Variants in CHD7 observed in about 807,000 individuals in gnomAD.
CHD7 encodes the protein ATP-dependent chromatin remodeler CHD7.
A neutral mutation model predicts 307.3 loss-of-function variants in CHD7; 24 were observed. That is an observed-to-expected ratio of 0.08 (90% CI 0.06 to 0.11). The LOEUF (loss-of-function observed/expected upper bound fraction) is 0.11, where lower values mean the gene tolerates loss of function less well. Ranked by LOEUF, CHD7 falls within the 10% of genes least tolerant of loss-of-function variation. CHD7 has a pLI of 1.00. For missense variants in CHD7, 3,106 were observed against 3,727.1 expected (o/e 0.83, Z 4.34); for synonymous variants, 1,363 against 1,349.9 (o/e 1.01, Z -0.21).
chr8:60,726,714 T>C (rs1317797867), intron 1 of CHD7, among the ~76,000 whole-genome samples: 2 of 152,238 alleles, frequency 1.3e-5, no homozygotes, highest in African/African-American at 2.4e-5. Context: ...AGACCTTCAG[T>C]GGGCCCAGAG....
intron 5 of CHD7, 111 bp from the exon 6 acceptor site, chr8:60,801,417 C>G (rs1174381419): frequency 6.8e-6 from 5 of 739,016 alleles, no homozygotes; most frequent in Admixed American, 4.9e-5. Context: ...AACTTTGTAC[C>G]CAGTGACTTA....
intron 2 of CHD7, among the ~76,000 whole-genome samples, chr8:60,752,915 T>G (rs1296862842): frequency 6.6e-6 from 1 of 152,272 alleles, no homozygotes. Context: ...CTCTCCATTC[T>G]CTGGAGTTAC....
At chr8:60,754,769 A>G (rs1388472119) in intron 2 of CHD7, among the ~76,000 whole-genome samples, 1 of 152,198 alleles carries the variant, frequency 6.6e-6, no homozygotes, top group Admixed American at 6.5e-5. Flanking sequence ...AGAAACTTCA[A>G]ATGGCAGGTT....
intron 13 of CHD7, among the ~76,000 whole-genome samples, chr8:60,828,068 A>T (rs1804336449): frequency 6.6e-6 from 1 of 152,190 alleles, no homozygotes. Context: ...AATTAATTAA[A>T]GAAATACCTA....
chr8:60,723,621 A>C (rs145318294), intron 1 of CHD7, among the ~76,000 whole-genome samples: 147 of 152,346 alleles, frequency 9.6e-4, no homozygotes, highest in Non-Finnish European at 1.9e-3. Context: ...AAATTATGTA[A>C]ATGAATGTTG....
rs867370618 is a variant in CHD7 at position 60,827,385 on chromosome 8, G to A, written c.3379-1278G>A. Among the ~76,000 whole-genome samples, 7 of 152,202 alleles carry A rather than the reference G, an allele frequency of 4.6e-5. No homozygotes were observed. In the South Asian group the frequency reaches 1.5e-3, roughly 32 times the overall value. On this transcript the variant is annotated intron_variant, in intron 13 of 37. Transcript: ENST00000423902. Reference sequence around the variant, plus strand: ...AATTTAATGTCGTAATAAAGGATATGAAAAAACTGGGAGACACGATATCAA... The same window carrying A: ...AATTTAATGTCGTAATAAAGGATATAAAAAAACTGGGAGACACGATATCAA...
chr8:60,717,597 G>A (rs956129806), intron 1 of CHD7, among the ~76,000 whole-genome samples: 9 of 152,256 alleles, frequency 5.9e-5, no homozygotes, highest in African/African-American at 1.9e-4. Flanking sequence ...AAAAGTGTAA[G>A]GTAACTACCC....
intron 19 of CHD7, among the ~76,000 whole-genome samples, chr8:60,838,661 C>T (rs191383064): frequency 6.6e-6 from 1 of 152,324 alleles, no homozygotes; most frequent in African/African-American, 2.4e-5. Context: ...GCTAAATCTC[C>T]ATACATAAAC....
At chr8:60,728,575 G>C (rs1249688208) in intron 1 of CHD7, among the ~76,000 whole-genome samples, 1 of 152,174 alleles carries the variant, frequency 6.6e-6, no homozygotes, top group Non-Finnish European at 1.5e-5. Flanking sequence ...GCCCAGGCTG[G>C]AGAGCAATGG....
chr8:60,830,773 A>G (rs1804475211), intron 15 of CHD7, among the ~76,000 whole-genome samples, 196 bp downstream of exon 15: 1 of 152,192 alleles, frequency 6.6e-6, no homozygotes, highest in African/African-American at 2.4e-5. Context: ...TTGCCCCAGC[A>G]ATCCCTGAAG....
chr8:60,765,692 A>G (rs980148937), intron 2 of CHD7, among the ~76,000 whole-genome samples: 3 of 152,188 alleles, frequency 2.0e-5, no homozygotes, highest in African/African-American at 7.2e-5. Flanking sequence ...AGAGGAGGAC[A>G]TGGGCCAGGA....
chr8:60,680,312 T>C (rs1586150709), intron 1 of CHD7, among the ~76,000 whole-genome samples: 2 of 123,008 alleles, frequency 1.6e-5, no homozygotes, highest in South Asian at 2.6e-4. Flanking sequence ...TTGGGCTCGC[T>C]GGGGGCGCGG....
rs767475667 is a variant in CHD7 at position 60,742,181 on chromosome 8, G to A, written c.749G>A (p.Arg250His). ...AGTCCCAGCATGGCACCTTCCTTGC[G>A]TCACTCGGTGCAGCAGTTCCATCAC... ...QQSPSMAPSL[R>H]HSVQQFHHHP... Residue 250 changes from arginine (R) to histidine (H), a missense_variant, in exon 2 of 38, where the codon CGT becomes CAT. By Grantham distance (29) the Arg-to-His change is conservative (BLOSUM62 0). Around this residue, in one of 10 missense-constraint regions of CHD7, gnomAD observed 998 missense variants for 1,004.5 expected, o/e 0.99. Transcript: ENST00000423902. 47 of 1,613,760 alleles carry A rather than the reference G, an allele frequency of 2.9e-5. No individual in the cohort carries two copies. The South Asian group carries it at 3.8e-4, about 13-fold the overall frequency.
At position 60,854,429 on chromosome 8, in the gene CHD7, A is replaced by G. The variant is rs761873381; in HGVS notation, c.6842A>G (p.Asp2281Gly). ...ESNASMSTAR[D>G]ETRDGFYMED... Reference sequence around the variant, plus strand: ...AATGCTTCCATGAGCACTGCTAGAGATGAAACCCGAGATGGATTCTACATG... The same window carrying G: ...AATGCTTCCATGAGCACTGCTAGAGGTGAAACCCGAGATGGATTCTACATG... The change falls in exon 32 of 38, where the codon GAT (aspartate) becomes GGT (glycine). Residue 2281 changes from aspartate to glycine, a missense_variant. This residue lies in a region of CHD7 where 1,030 missense variants were observed against 1,165.4 expected (regional missense o/e 0.88). Transcript: ENST00000423902. 6.2e-7 allele frequency: 1 copy of G among 1,613,836 alleles called. No homozygotes were observed. Among genetic ancestry groups the G allele is most frequent in the Admixed American group, 1.7e-5 (1 of 60,010 alleles).
At chr8:60,773,695 C>T (rs546442546) in intron 2 of CHD7, among the ~76,000 whole-genome samples, 2 of 152,212 alleles carry the variant, frequency 1.3e-5, no homozygotes, top group South Asian at 2.1e-4. Context: ...GGGCAAGGAG[C>T]GGGCTAATTT....
chr8:60,864,301 GT>G (rs1333979961), intron 37 of CHD7: 1 of 151,434 alleles, frequency 6.6e-6, no homozygotes, highest in Non-Finnish European at 1.5e-5. Context: ...TTTTTATTTT[GT>G]AGAGATAGGG....
chr8:60,815,111 G>T (rs1231976389), intron 7 of CHD7, among the ~76,000 whole-genome samples: 2 of 152,144 alleles, frequency 1.3e-5, no homozygotes, highest in Non-Finnish European at 2.9e-5. Context: ...TCAGTTCATA[G>T]CTATGTAAGT....
chr8:60,785,845 G>C (rs1037060638), intron 3 of CHD7, among the ~76,000 whole-genome samples: 4 of 150,844 alleles, frequency 2.7e-5, no homozygotes, highest in African/African-American at 9.8e-5. Context: ...TAGCTGTCCT[G>C]ATGATTTTCT....
At chr8:60,690,234 C>A (rs530053716) in intron 1 of CHD7, among the ~76,000 whole-genome samples, 114 of 151,984 alleles carry the variant, frequency 7.5e-4, no homozygotes, top group Non-Finnish European at 1.4e-3. Context: ...ACTGCTTTCT[C>A]CCACACGAAT....
Sources: gnomAD v4.1 joint callset for allele counts (sites outside exome capture counted in the v4.1 genomes callset) on GRCh38, gnomAD v4.1.1 for gene constraint, gnomAD v4.1.1 regional missense constraint, MANE v1.5 for transcripts, NCBI Gene and HGNC (gene_info 2026-07-23, HGNC 2026-07-21) for gene names.